The following PCDHA3 variants were observed in gnomAD, a reference collection of about 807,000 sequenced individuals.
The protein encoded by PCDHA3 is protocadherin alpha-3.
In PCDHA3, 41 loss-of-function variants were observed where a neutral mutation model predicts 62.2. That is an observed-to-expected ratio of 0.66 (90% CI 0.51 to 0.86). The LOEUF (loss-of-function observed/expected upper bound fraction) is 0.86, where lower values mean the gene tolerates loss of function less well. Among genes scored for constraint, PCDHA3 ranks in the 40% least tolerant of loss-of-function variants. The pLI is 0.00. For synonymous variants in PCDHA3, 640 were observed against 555.4 expected (o/e 1.15, Z -2.14); for missense variants, 1,304 against 1,241.2 (o/e 1.05, Z -0.76).
chr5:140,829,393 G>T (rs2150166989), intron 1 of PCDHA3: 5 of 1,614,050 alleles, frequency 3.1e-6, no homozygotes, highest in Admixed American at 3.3e-5. Context: ...GCTCGCCTTC[G>T]CTGTGGGCCA....
rs114294981 is a variant in PCDHA3, at chr5:140,997,261, C to T, written c.2543-12366C>T. On this transcript the variant is annotated intron_variant, in intron 3 of 3. Transcript: ENST00000522353. ...CATGTTTACTTTAGGGTTCACTCTT[C>T]CAAATATTTCTTGCATCACTTAACA... Among the ~76,000 whole-genome samples, 265 of 152,266 alleles carry T rather than the reference C, an allele frequency of 1.7e-3. 1 individual carries two copies. The highest frequency in any genetic ancestry group is 6.2e-3 in the African/African-American group (257 of 41,540).
intron 1 of PCDHA3, chr5:140,834,522 C>G: frequency 6.2e-7 from 1 of 1,614,068 alleles, no homozygotes; most frequent in Non-Finnish European, 8.5e-7. Context: ...CTTCGTGGGC[C>G]GCATCGCGCA....
intron 1 of PCDHA3, chr5:140,969,442 T>C (rs1554231813): frequency 1.3e-6 from 2 of 1,543,712 alleles, no homozygotes; most frequent in Admixed American, 4.0e-5. Flanking sequence ...AGTTATCTGG[T>C]AAACTGAGTA....
At chr5:140,870,737 G>A in intron 1 of PCDHA3, 1 of 1,613,478 alleles carries the variant, frequency 6.2e-7, no homozygotes, top group Non-Finnish European at 8.5e-7. Flanking sequence ...CCGCCTCTGA[G>A]CAGCAACGTG....
rs1290626143 is a variant in PCDHA3 at position 141,010,228 on chromosome 5, C to G, written c.*291C>G. On this transcript the variant is annotated 3_prime_UTR_variant, in exon 4 of 4. Transcript: ENST00000522353. ...CCGCAAAGGAGAGGCTTCCCAGCCC[C>G]GCCAGTGAGAGGTTGGACTCTCTGC... The G allele has an allele frequency of 1.1e-5, 17 of 1,551,916 alleles. No individual in the cohort carries two copies. Among genetic ancestry groups the G allele is most frequent in the Non-Finnish European group, 1.5e-5 (17 of 1,147,054 alleles).
chr5:140,910,580 C>T (rs1384259049), intron 1 of PCDHA3, among the ~76,000 whole-genome samples: 1 of 152,162 alleles, frequency 6.6e-6, no homozygotes, highest in Non-Finnish European at 1.5e-5. Flanking sequence ...CTGGATCCTC[C>T]CAGCTGGGAT....
chr5:140,882,143 C>A, intron 1 of PCDHA3: 2 of 1,494,048 alleles, frequency 1.3e-6, no homozygotes, highest in Admixed American at 2.3e-5. Context: ...GAAAATATAG[C>A]AGAAAGCGGA....
intron 1 of PCDHA3, among the ~76,000 whole-genome samples, chr5:140,965,277 G>A (rs1209263426): frequency 6.6e-6 from 1 of 152,196 alleles, no homozygotes; most frequent in African/African-American, 2.4e-5. Context: ...CAATGACACA[G>A]CATGGAAAGA....
At chr5:140,952,675 T>A (rs2153696875) in intron 1 of PCDHA3, among the ~76,000 whole-genome samples, 1 of 152,326 alleles carries the variant, frequency 6.6e-6, no homozygotes, top group East Asian at 1.9e-4. Context: ...ACTTTCACAT[T>A]TTCAGGATCT....
At chr5:140,928,109 A>C (rs1472439079) in intron 1 of PCDHA3, 1 of 1,613,986 alleles carries the variant, frequency 6.2e-7, no homozygotes, top group African/African-American at 1.3e-5. Context: ...CTGGACCGGG[A>C]GCAGATCAGT....
At chr5:140,996,842 T>C (rs2097749816) in intron 3 of PCDHA3, among the ~76,000 whole-genome samples, 1 of 152,240 alleles carries the variant, frequency 6.6e-6, no homozygotes, top group African/African-American at 2.4e-5. Context: ...TTAGCGTGCA[T>C]CTTCAGAATT....
In PCDHA3 at chr5:140,801,886, T is replaced by A. The variant is rs1762805579; in HGVS notation, c.689T>A (p.Ile230Asn). Residue 230 changes from isoleucine (I) to asparagine (N), a missense_variant, in exon 1 of 4, where the codon ATC becomes AAC. Coordinates refer to ENST00000522353, the MANE Select transcript of PCDHA3 (RefSeq NM_018906.3). ...PELTGTTQLK[I>N]TVLDVNDNAP... ...CTCACTGGCACGACTCAACTAAAGA[T>A]CACTGTTTTAGATGTAAACGACAAC... The A allele has an allele frequency of 6.2e-7, 1 of 1,614,152 alleles. No homozygotes were observed. The highest frequency in any genetic ancestry group is 2.2e-5 in the East Asian group (1 of 44,890).
In PCDHA3 at chr5:140,877,128, G is replaced by T. The variant is rs782052511; in HGVS notation, c.2394+73537G>T. On this transcript the variant is annotated intron_variant, in intron 1 of 3. Coordinates refer to ENST00000522353, the MANE Select transcript of PCDHA3 (RefSeq NM_018906.3). ...CTCTGGGCAGCAACGTGACGCTGCA[G>T]GTGTTCGTGCTGGACGAGAACGACA... is the stretch of plus-strand genomic sequence containing the variant. 3.1e-6 allele frequency: 5 copies of T among 1,613,644 alleles called. No homozygotes were observed. The African/African-American group carries it at 5.3e-5, about 17-fold the overall frequency.
chr5:140,856,038 A>G (rs2043738417), intron 1 of PCDHA3: 2 of 1,568,894 alleles, frequency 1.3e-6, no homozygotes, highest in Non-Finnish European at 1.7e-6. Context: ...GTAAAACAAG[A>G]GAAGGATAAG....
chr5:140,902,225 A>G (rs1454445915), intron 1 of PCDHA3, among the ~76,000 whole-genome samples: 1 of 114,610 alleles, frequency 8.7e-6, no homozygotes, highest in African/African-American at 3.5e-5. Context: ...TTTTTTTGAG[A>G]TGAGGACTTG....
intron 1 of PCDHA3, chr5:140,805,072 A>G (rs1554123231): frequency 6.3e-7 from 1 of 1,593,546 alleles, no homozygotes; most frequent in Admixed American, 1.7e-5. Flanking sequence ...ATGGAACTTC[A>G]ATCTTCAAAT....
intron 1 of PCDHA3, chr5:140,842,749 G>A: frequency 1.9e-6 from 3 of 1,595,014 alleles, no homozygotes; most frequent in Non-Finnish European, 1.7e-6. Flanking sequence ...ACATCTTCAC[G>A]GTGTCTGCGC....
In PCDHA3 at chr5:140,802,738, G is replaced by A. The variant is rs1554122323; in HGVS notation, c.1541G>A (p.Ser514Asn). ...LSSYVSVHAESGKVYALQPLD... is the reference protein window; with the variant it reads ...LSSYVSVHAENGKVYALQPLD... ...AGCTACGTGTCGGTACACGCGGAGA[G>A]CGGCAAGGTGTACGCGCTGCAGCCG... Residue 514 changes from serine to asparagine, a missense_variant, in exon 1 of 4, where the codon AGC (serine) becomes AAC (asparagine). Coordinates refer to ENST00000522353, the MANE Select transcript of PCDHA3 (RefSeq NM_018906.3). The A allele has an allele frequency of 3.1e-6, 5 of 1,612,562 alleles. No homozygotes were observed. The South Asian group carries it at 5.5e-5, about 18-fold the overall frequency.
At chr5:140,885,050 C>T (rs1183142093) in intron 1 of PCDHA3, among the ~76,000 whole-genome samples, 3 of 152,164 alleles carry the variant, frequency 2.0e-5, no homozygotes, top group African/African-American at 7.2e-5. Context: ...TTAATGTATA[C>T]ATATACCCAC....
Sources: gnomAD v4.1 joint callset for allele counts (sites outside exome capture counted in the v4.1 genomes callset) on GRCh38, gnomAD v4.1.1 for gene constraint, MANE v1.5 for transcripts, NCBI Gene and HGNC (gene_info 2026-07-23, HGNC 2026-07-21) for gene names.